The following FSHR variants were observed in gnomAD, a reference collection of about 807,000 sequenced individuals.
FSHR encodes follicle-stimulating hormone receptor.
In FSHR, 46 loss-of-function variants were observed where a neutral mutation model predicts 52.1. The observed-to-expected ratio is 0.88, with a 90% CI of 0.70 to 1.13. FSHR has a LOEUF of 1.13. Among genes scored for constraint, FSHR ranks in the 50% most tolerant of loss-of-function variants. FSHR has a pLI of 0.00. For missense variants in FSHR, 964 were observed against 834.6 expected (o/e 1.16, Z -1.91); for synonymous variants, 399 against 309.6 (o/e 1.29, Z -3.03).
intron 2 of FSHR, among the ~76,000 whole-genome samples, chr2:49,058,989 C>A (rs11678671): frequency 0.35 from 52,567 of 151,908 alleles, 9,702 homozygotes; most frequent in East Asian, 0.49. Context: ...CAGAATGATC[C>A]CTTGAGTCCA....
At chr2:49,116,933 T>G (rs905024242) in intron 1 of FSHR, among the ~76,000 whole-genome samples, 2 of 152,174 alleles carry the variant, frequency 1.3e-5, no homozygotes, top group African/African-American at 4.8e-5. Flanking sequence ...TTTGAGACTT[T>G]GATATGAATG....
intron 3 of FSHR, among the ~76,000 whole-genome samples, chr2:49,018,101 A>C (rs1667554862): frequency 6.6e-6 from 1 of 152,196 alleles, no homozygotes; most frequent in Non-Finnish European, 1.5e-5. Flanking sequence ...GGCAAAGAAA[A>C]AGAAAGTTGG....
intron 2 of FSHR, among the ~76,000 whole-genome samples, chr2:49,023,947 GT>G: frequency 6.6e-6 from 1 of 151,746 alleles, no homozygotes; most frequent in African/African-American, 2.4e-5. Context: ...GAGGGTTGGG[GT>G]AGGGTGTTTT....
intron 1 of FSHR, among the ~76,000 whole-genome samples, chr2:49,100,930 T>G (rs997467294): frequency 6.6e-6 from 1 of 152,100 alleles, no homozygotes; most frequent in African/African-American, 2.4e-5. Flanking sequence ...CAAGGAGAAC[T>G]GGAAAGTGTT....
chr2:48,995,320 A>G (rs78624251), intron 4 of FSHR, among the ~76,000 whole-genome samples: 282 of 152,246 alleles, frequency 1.9e-3, no homozygotes, highest in African/African-American at 6.2e-3. Flanking sequence ...TGAATGCTTT[A>G]TGAGTTCAGG....
chr2:49,013,005 G>A (rs945845045), intron 4 of FSHR, among the ~76,000 whole-genome samples: 2 of 151,870 alleles, frequency 1.3e-5, no homozygotes, highest in African/African-American at 2.4e-5. Flanking sequence ...CCCTAAACCT[G>A]TTAGGATTAT....
intron 1 of FSHR, among the ~76,000 whole-genome samples, chr2:49,074,539 A>G (rs1669875939): frequency 6.6e-6 from 1 of 152,148 alleles, no homozygotes; most frequent in African/African-American, 2.4e-5. Flanking sequence ...GGATGAAGAG[A>G]AAAGGGAACA....
chr2:48,962,856 C>T lies in FSHR; in HGVS notation c.1965G>A (p.Arg655=). ...TGTGGACAGTGGATGAAGTTTCTGT[C>T]CTATAAATTTGGGCTTGCATTTCAT... The part of the protein sequence containing the change: ...GCYEMQAQIY[R]TETSSTVHNT... The change falls in exon 10 of 10, where the codon AGG becomes AGA. Residue 655 remains arginine, a synonymous_variant. Transcript: ENST00000406846. 1.9e-6 allele frequency: 3 copies of T among 1,614,120 alleles called. No homozygotes were observed. Among genetic ancestry groups the T allele is most frequent in the Non-Finnish European group, 2.5e-6 (3 of 1,180,020 alleles).
At chr2:49,134,935 G>A (rs563535342) in intron 1 of FSHR, among the ~76,000 whole-genome samples, 69 of 152,254 alleles carry the variant, frequency 4.5e-4, no homozygotes, top group African/African-American at 1.7e-3. Context: ...GGATGGGGGA[G>A]GGATAGCATT....
intron 1 of FSHR, among the ~76,000 whole-genome samples, chr2:49,127,818 T>TTCTTCTTCCTCTTCTTCTTCC: frequency 1.5e-5 from 1 of 68,332 alleles, no homozygotes; most frequent in African/African-American, 5.9e-5. Context: ...CTTCTTCTTC[T>TTCTTCTTCCTCTTCTTCTTCC]TCTTCTTCTT....
intron 1 of FSHR, among the ~76,000 whole-genome samples, chr2:49,083,317 G>T (rs1260548116): frequency 1.3e-5 from 2 of 149,250 alleles, no homozygotes; most frequent in Non-Finnish European, 1.5e-5. Context: ...TCACCACCAG[G>T]CCTGCCCTAA....
rs781418151 is a variant in FSHR at position 48,962,896 on chromosome 2, C to G, written c.1925G>C (p.Ser642Thr). The G allele has an allele frequency of 1.7e-5, 28 of 1,614,020 alleles. No individual in the cohort carries two copies. The highest frequency in any genetic ancestry group is 2.4e-5 in the Non-Finnish European group (28 of 1,180,038). Residue 642 changes from serine (S) to threonine (T), a missense_variant, in exon 10 of 10, where the codon AGC becomes ACC. Physicochemically the swap from Ser to Thr is moderately conservative, Grantham distance 58. Coordinates refer to ENST00000406846, the MANE Select transcript of FSHR (RefSeq NM_000145.4). ...NFRRDFFILL[S>T]KCGCYEMQAQ... ...TTGCATTTCATAGCAGCCACACTTG[C>G]TCAGCAGAATGAAGAAATCTCTGCG...
chr2:49,092,922 T>C (rs1670666819), intron 1 of FSHR, among the ~76,000 whole-genome samples: 1 of 152,216 alleles, frequency 6.6e-6, no homozygotes, highest in Non-Finnish European at 1.5e-5. Context: ...TGCCTCAGAC[T>C]CCCAAAGTGC....
chr2:49,020,303 T>C lies in FSHR; in HGVS notation c.225-143A>G. Reference sequence around the variant, plus strand: ...CTGCCATTAAAGAAGTCAGCTGTAGTAATAAGGCAAAACTAACATACTAGA... The same window carrying C: ...CTGCCATTAAAGAAGTCAGCTGTAGCAATAAGGCAAAACTAACATACTAGA... On this transcript the variant is annotated intron_variant, in intron 2 of 9. Transcript: ENST00000406846. 5.4e-6 allele frequency: 4 copies of C among 744,056 alleles called. No individual in the cohort carries two copies. The Admixed American group carries it at 8.1e-5, about 15-fold the overall frequency. 46.1% of individuals were successfully genotyped at this position (744,056 alleles called of 1,614,324 possible).
intron 4 of FSHR, among the ~76,000 whole-genome samples, chr2:49,001,446 G>T (rs1314547939): frequency 6.6e-6 from 1 of 152,082 alleles, no homozygotes; most frequent in Non-Finnish European, 1.5e-5. Flanking sequence ...ATATCTCTAG[G>T]TGAGATTCGC....
intron 2 of FSHR, among the ~76,000 whole-genome samples, chr2:49,031,351 C>T (rs1668096471): frequency 6.6e-6 from 1 of 152,118 alleles, no homozygotes; most frequent in Non-Finnish European, 1.5e-5. Flanking sequence ...AGAAAGACAC[C>T]TTTTAGAAAT....
chr2:49,129,621 C>T (rs1672192228), intron 1 of FSHR, among the ~76,000 whole-genome samples: 1 of 152,146 alleles, frequency 6.6e-6, no homozygotes, highest in Non-Finnish European at 1.5e-5. Flanking sequence ...GAAGATGTAG[C>T]ATGGTGTCCA....
At chr2:49,099,198 A>G (rs183224429) in intron 1 of FSHR, among the ~76,000 whole-genome samples, 1 of 152,204 alleles carries the variant, frequency 6.6e-6, no homozygotes, top group Non-Finnish European at 1.5e-5. Context: ...CACAATTCCC[A>G]CATGTTGTGG....
intron 1 of FSHR, among the ~76,000 whole-genome samples, chr2:49,143,812 C>G (rs947560187): frequency 1.3e-5 from 2 of 152,080 alleles, no homozygotes; most frequent in Non-Finnish European, 2.9e-5. Flanking sequence ...TTGGTTGACT[C>G]TAGAAAATGG....
Sources: allele counts gnomAD v4.1 joint callset (sites outside exome capture counted in the v4.1 genomes callset), GRCh38; gene constraint gnomAD v4.1.1; transcripts MANE v1.5; gene names NCBI Gene and HGNC (gene_info 2026-07-23, HGNC 2026-07-21).